ALOX5: variants seen among roughly 807,000 people sequenced by gnomAD.
ALOX5 encodes arachidonate 5-lipoxygenase.
Under a neutral mutation model 87.9 loss-of-function variants are expected in ALOX5, and 64 were observed. That is an observed-to-expected ratio of 0.73 (90% CI 0.60 to 0.90). The LOEUF is 0.90. Ranked by LOEUF, ALOX5 falls within the 40% of genes least tolerant of loss-of-function variation. The pLI is 0.00. For synonymous variants in ALOX5, 388 were observed against 355.1 expected, an observed-to-expected ratio of 1.09 and a Z score of -1.04; for missense variants, 822 against 907.5, an observed-to-expected ratio of 0.91 and a Z score of 1.21.
At chr10:45,443,591 GCCCCTCCGCCA>G in intron 11 of ALOX5, 54 bp downstream of exon 11, 3 of 1,597,884 alleles carry the variant, frequency 1.9e-6, no homozygotes, top group Non-Finnish European at 2.6e-6. Flanking sequence ...GGCAGCGCTG[GCCCCTCCGCCA>G]CCCCTCCGGG....
intron 3 of ALOX5, among the ~76,000 whole-genome samples, chr10:45,409,673 C>A (rs1841003726): frequency 6.6e-6 from 1 of 151,692 alleles, no homozygotes; most frequent in Admixed American, 6.6e-5. Context: ...CTTTCTACTT[C>A]TTTGTTCCTT....
At chr10:45,388,448 G>T (rs1371131439) in intron 2 of ALOX5, among the ~76,000 whole-genome samples, 1 of 152,236 alleles carries the variant, frequency 6.6e-6, no homozygotes, top group East Asian at 1.9e-4. Flanking sequence ...TCCAGTAGGG[G>T]CAGACTGACA....
intron 2 of ALOX5, among the ~76,000 whole-genome samples, chr10:45,391,594 G>C (rs901926040): frequency 6.6e-6 from 1 of 150,728 alleles, no homozygotes. Context: ...TGGCTGCCCA[G>C]TCTGGAAAGT....
At chr10:45,376,021 C>T (rs553968623) in intron 1 of ALOX5, among the ~76,000 whole-genome samples, 1 of 152,222 alleles carries the variant, frequency 6.6e-6, no homozygotes, top group East Asian at 1.9e-4. Flanking sequence ...CCTCCCCATT[C>T]TCCTCCACAC....
chr10:45,422,926 T>C (rs1195143798), intron 4 of ALOX5, among the ~76,000 whole-genome samples: 7 of 152,198 alleles, frequency 4.6e-5, no homozygotes. Context: ...TCCCACAGCA[T>C]GGTCACGTGG....
chr10:45,424,709 A>T (rs189663634), intron 5 of ALOX5, among the ~76,000 whole-genome samples: 1 of 152,208 alleles, frequency 6.6e-6, no homozygotes, highest in African/African-American at 2.4e-5. Context: ...TGGACACTCC[A>T]TGCTGGGCTG....
At position 45,424,217 on chromosome 10, in the gene ALOX5, C is replaced by T. The variant is rs557404157; in HGVS notation, c.661+70C>T. On this transcript the variant is annotated intron_variant, in intron 5 of 13. Coordinates refer to ENST00000374391, the MANE Select transcript of ALOX5 (RefSeq NM_000698.5). ...TGCTGCTCTCCTGTCTGATACTTGC[C>T]GGGAAATTGACAAGGGCCTTCCTGC... The T allele has an allele frequency of 3.9e-5, 54 of 1,369,446 alleles. No homozygotes were observed. The African/African-American group carries it at 4.7e-4, about 12-fold the overall frequency. The allele number at this position is 1,369,446 out of a possible 1,614,324, so 84.8% of individuals were successfully genotyped here.
chr10:45,431,553 T>TTA lies in ALOX5; in HGVS notation c.981+2791_981+2792dup, dbSNP rs200096780. ...ATATAAGGAAAAACTATAAAGTTAT[T>TTA]TATTTATTTATTTATTTATTTATTT... On this transcript the variant is annotated intron_variant, in intron 7 of 13. Transcript: ENST00000374391. Among the ~76,000 whole-genome samples the TTA allele has an allele frequency of 7.8e-3, 912 of 116,320 alleles. 11 individuals are homozygous for TTA. The highest frequency in any genetic ancestry group is 0.037 in the African/African-American group (871 of 23,602). The allele number at this position is 116,320 out of a possible 152,430, so 76.3% of individuals were successfully genotyped here.
intron 4 of ALOX5, among the ~76,000 whole-genome samples, chr10:45,417,060 C>G (rs1040852056): frequency 5.9e-5 from 9 of 152,208 alleles, no homozygotes; most frequent in African/African-American, 2.2e-4. Context: ...GCCTCTGTAT[C>G]TTAGCAGCTG....
chr10:45,417,786 G>C (rs1841348885), intron 4 of ALOX5, among the ~76,000 whole-genome samples: 1 of 152,158 alleles, frequency 6.6e-6, no homozygotes. Flanking sequence ...GGAGCCAGCA[G>C]GGCTTTGCAG....
intron 3 of ALOX5, among the ~76,000 whole-genome samples, chr10:45,410,223 A>G (rs866242451): frequency 6.6e-6 from 1 of 152,234 alleles, no homozygotes; most frequent in Non-Finnish European, 1.5e-5. Context: ...TAATTAATTG[A>G]TCATTACTAC....
chr10:45,376,560 C>G (rs904142414), intron 1 of ALOX5, among the ~76,000 whole-genome samples: 9 of 152,160 alleles, frequency 5.9e-5, no homozygotes, highest in Non-Finnish European at 1.2e-4. Context: ...GAAGTACTTG[C>G]TGAGAAGACA....
intron 3 of ALOX5, among the ~76,000 whole-genome samples, chr10:45,401,491 A>G (rs1170848328): frequency 1.3e-5 from 2 of 152,172 alleles, no homozygotes; most frequent in African/African-American, 4.8e-5. Context: ...TCACTTTTTA[A>G]AATTTGGGAT....
At position 45,400,824 on chromosome 10, in the gene ALOX5, G is replaced by A. The variant is rs117752921; in HGVS notation, c.431+4888G>A. On this transcript the variant is annotated intron_variant, in intron 3 of 13. Transcript: ENST00000374391. The stretch of plus-strand genomic sequence containing the variant: ...GGGGAAACAAGGAGTGAATGTTAAT[G>A]GGTTCGAGGTGTCCTCTGGGGATGA... Among the ~76,000 whole-genome samples the A allele has an allele frequency of 2.1e-3, 319 of 152,294 alleles. 2 individuals carry two copies. Among genetic ancestry groups the A allele is most frequent in the South Asian group, 4.8e-3 (23 of 4,824 alleles).
chr10:45,441,608 C>T, intron 9 of ALOX5, 178 bp downstream of exon 9: 2 of 585,038 alleles, frequency 3.4e-6, no homozygotes, highest in East Asian at 3.0e-5. Context: ...CAGCCAGGAG[C>T]ACTCCTCCAG....
chr10:45,382,451 CGCATG>C (rs1564410314), intron 1 of ALOX5, 27 bp from the exon 2 acceptor site: 1 of 1,612,068 alleles, frequency 6.2e-7, no homozygotes, highest in South Asian at 1.1e-5. Context: ...CAGGAGACCA[CGCATG>C]GCCTGATTGC....
intron 2 of ALOX5, among the ~76,000 whole-genome samples, chr10:45,394,633 CACAGCAAAAG>C (rs1346705301): frequency 7.2e-5 from 11 of 152,150 alleles, no homozygotes; most frequent in African/African-American, 2.7e-4. Context: ...AGAGCTTCTG[CACAGCAAAAG>C]AAACTACCAT....
At chr10:45,393,125 CCAAAGCCTGGCAGATA>C in intron 2 of ALOX5, among the ~76,000 whole-genome samples, 1 of 152,278 alleles carries the variant, frequency 6.6e-6, no homozygotes, top group Non-Finnish European at 1.5e-5. Flanking sequence ...CATCCTGATA[CCAAAGCCTGGCAGATA>C]CACACACAAA....
chr10:45,378,689 C>T (rs1025779335), intron 1 of ALOX5, among the ~76,000 whole-genome samples: 1 of 152,186 alleles, frequency 6.6e-6, no homozygotes, highest in Non-Finnish European at 1.5e-5. Flanking sequence ...ATCTGTCATT[C>T]TTCCATTAGT....
Sources: gnomAD v4.1 joint callset for allele counts (sites outside exome capture counted in the v4.1 genomes callset) on GRCh38, gnomAD v4.1.1 for gene constraint, MANE v1.5 for transcripts, NCBI Gene and HGNC (gene_info 2026-07-23, HGNC 2026-07-21) for gene names.